SNX14: variants seen among roughly 807,000 people sequenced by gnomAD.
SNX14 encodes the protein sorting nexin-14.
A neutral mutation model predicts 133.8 loss-of-function variants in SNX14; 93 were observed. The ratio of observed to expected loss-of-function variants is 0.70; its 90% CI spans 0.59 to 0.83. The LOEUF (loss-of-function observed/expected upper bound fraction) is 0.83, where lower values mean the gene tolerates loss of function less well. Ranked by LOEUF, SNX14 falls within the 40% of genes least tolerant of loss-of-function variation. SNX14 has a pLI of 0.00. For synonymous variants in SNX14, 368 were observed against 365.6 expected (o/e 1.01, Z -0.07); for missense variants, 945 against 1,094.9 (o/e 0.86, Z 1.93).
intron 21 of SNX14, among the ~76,000 whole-genome samples, chr6:85,524,296 G>C (rs1777875803): frequency 6.6e-6 from 1 of 152,200 alleles, no homozygotes; most frequent in Non-Finnish European, 1.5e-5. Context: ...TGAGGACAGA[G>C]CTTAGAAAAC....
intron 1 of SNX14, among the ~76,000 whole-genome samples, chr6:85,574,749 T>C (rs539766395): frequency 6.6e-5 from 10 of 152,278 alleles, no homozygotes; most frequent in African/African-American, 2.4e-4. Flanking sequence ...TATTTTGTTA[T>C]AGACAGAGGT....
At chr6:85,509,181 TC>T (rs1196963033) in intron 26 of SNX14, among the ~76,000 whole-genome samples, 1 of 152,186 alleles carries the variant, frequency 6.6e-6, no homozygotes, top group Non-Finnish European at 1.5e-5. Context: ...TAAGTTACTC[TC>T]CCAAACGGGA....
At chr6:85,577,441 C>A (rs1464244621) in intron 1 of SNX14, among the ~76,000 whole-genome samples, 5 of 151,466 alleles carry the variant, frequency 3.3e-5, no homozygotes, top group African/African-American at 1.2e-4. Flanking sequence ...TAAAAGCAAG[C>A]AGAAGAGAAA....
chr6:85,575,326 G>C (rs762762612), intron 1 of SNX14, among the ~76,000 whole-genome samples: 9 of 152,134 alleles, frequency 5.9e-5, no homozygotes, highest in Non-Finnish European at 8.8e-5. Context: ...TATTAACTGT[G>C]AGTAACTGTA....
intron 7 of SNX14, among the ~76,000 whole-genome samples, chr6:85,554,599 G>T (rs1789017372): frequency 6.6e-6 from 1 of 152,156 alleles, no homozygotes; most frequent in East Asian, 1.9e-4. Flanking sequence ...GGGATCTTGG[G>T]ATAAAATAAG....
At chr6:85,593,218 C>CT (rs1319823804) in intron 1 of SNX14, among the ~76,000 whole-genome samples, 1 of 152,194 alleles carries the variant, frequency 6.6e-6, no homozygotes, top group African/African-American at 2.4e-5. Flanking sequence ...CGAACTGGAC[C>CT]TTGAACACTC....
chr6:85,553,404 CTT>C (rs1225958106), intron 7 of SNX14, among the ~76,000 whole-genome samples: 1 of 152,202 alleles, frequency 6.6e-6, no homozygotes, highest in Non-Finnish European at 1.5e-5. Flanking sequence ...TGCACAGTAT[CTT>C]AGCACAGTAA....
chr6:85,590,893 T>G (rs1802556117), intron 1 of SNX14, among the ~76,000 whole-genome samples: 1 of 152,190 alleles, frequency 6.6e-6, no homozygotes, highest in Admixed American at 6.5e-5. Context: ...TACACTCAAT[T>G]TATTTATCTT....
chr6:85,512,482 C>T (rs1023599726), intron 26 of SNX14, among the ~76,000 whole-genome samples: 6 of 151,964 alleles, frequency 3.9e-5, no homozygotes, highest in African/African-American at 1.2e-4. Context: ...ATTAGCCAGG[C>T]GTGGTGGTGC....
At chr6:85,555,760 C>T (rs1022578271) in intron 7 of SNX14, among the ~76,000 whole-genome samples, 3 of 152,066 alleles carry the variant, frequency 2.0e-5, no homozygotes, top group East Asian at 3.9e-4. Context: ...GAGGCCAAGG[C>T]GTGTGGATCA....
chr6:85,581,175 G>A lies in SNX14; in HGVS notation c.141-6797C>T, dbSNP rs1430654718. 2.0e-5 allele frequency: 3 copies of A among 152,366 alleles called. No individual in the cohort carries two copies. The South Asian group carries it at 6.2e-4, about 32-fold the overall frequency. 9.4% of individuals were successfully genotyped at this position (152,366 alleles called of 1,614,324 possible). On this transcript the variant is annotated intron_variant, in intron 1 of 28. Coordinates refer to ENST00000314673, the MANE Select transcript of SNX14 (RefSeq NM_153816.6). ...TCCATTTGATTGGAGGAAAGTGGGA[G>A]AAGAGAACAGGAGACTCTACCTGGT...
chr6:85,529,298 GAAGGAAGGAAACAAGGAAACGAAGAAGA>G (rs1206389923), intron 19 of SNX14, among the ~76,000 whole-genome samples: 4 of 150,402 alleles, frequency 2.7e-5, no homozygotes, highest in Non-Finnish European at 5.9e-5. Flanking sequence ...ATAAGGAAAT[GAAGGAAGGAAACAAGGAAACGAAGAAGA>G]AAGGAAGGAA....
chr6:85,533,604 C>G lies in SNX14; in HGVS notation c.1805G>C (p.Arg602Thr). Residue 602 changes from arginine (R) to threonine (T), a missense_variant, in exon 18 of 29, where the codon AGA becomes ACA. Coordinates refer to ENST00000314673, the MANE Select transcript of SNX14 (RefSeq NM_153816.6). ...FCIDVERNDR[R>T]AVGHEPEHWS... is the part of the protein sequence containing the mutation. ...GTGCTCAGAAAGCTTCCTACCTGCT[C>G]TTCTATCATTTCTTTCAACATCAAT... The G allele has an allele frequency of 1.9e-6, 3 of 1,612,556 alleles. No individual in the cohort carries two copies. Among genetic ancestry groups the G allele is most frequent in the East Asian group, 2.2e-5 (1 of 44,860 alleles).
At chr6:85,558,529 C>T (rs542488584) in intron 6 of SNX14, among the ~76,000 whole-genome samples, 89 of 152,138 alleles carry the variant, frequency 5.8e-4, no homozygotes, top group Non-Finnish European at 1.2e-3. Context: ...AGCAGTGGCA[C>T]CATCTCACTG....
Position 85,574,245 on chromosome 6 carries a change from C to T in SNX14, c.261+13G>A, listed in dbSNP as rs1484578029. The T allele has an allele frequency of 1.3e-6, 2 of 1,558,628 alleles. No individual in the cohort carries two copies. Among genetic ancestry groups the T allele is most frequent in the Non-Finnish European group, 1.8e-6 (2 of 1,142,412 alleles). On this transcript the variant is annotated intron_variant, in intron 2 of 28. Transcript: ENST00000314673. ...ATACATTGATTCTTAACAATAAGAA[C>T]ACATAATTTTACCTTGGGTTTGTAT...
chr6:85,573,792 C>T (rs1019712108), intron 2 of SNX14, among the ~76,000 whole-genome samples: 2 of 152,298 alleles, frequency 1.3e-5, no homozygotes, highest in African/African-American at 2.4e-5. Flanking sequence ...TCTGGTAGTA[C>T]ACCCCAGGAA....
intron 23 of SNX14, 151 bp from the exon 24 acceptor site, chr6:85,514,780 TC>T: frequency 1.6e-6 from 1 of 613,612 alleles, no homozygotes; most frequent in Non-Finnish European, 2.5e-6. Flanking sequence ...CTTCTAAAAT[TC>T]CCCATTTATG....
At chr6:85,527,357 T>C (rs1204845905) in intron 20 of SNX14, among the ~76,000 whole-genome samples, 2 of 151,308 alleles carry the variant, frequency 1.3e-5, no homozygotes, top group Non-Finnish European at 2.9e-5. Flanking sequence ...TCAATTTTCA[T>C]ATCACCAAAA....
intron 26 of SNX14, among the ~76,000 whole-genome samples, chr6:85,513,171 G>GA (rs1447986865): frequency 6.6e-6 from 1 of 152,058 alleles, no homozygotes; most frequent in Non-Finnish European, 1.5e-5. Context: ...CACCTGCTTT[G>GA]ATCCCTTGAC....
Sources: gnomAD v4.1 joint callset for allele counts (sites outside exome capture counted in the v4.1 genomes callset) on GRCh38, gnomAD v4.1.1 for gene constraint, MANE v1.5 for transcripts, NCBI Gene and HGNC (gene_info 2026-07-23, HGNC 2026-07-21) for gene names.